SGIP1: variants seen among roughly 807,000 people sequenced by gnomAD.
SGIP1 encodes SH3-containing GRB2-like protein 3-interacting protein 1.
Under a neutral mutation model 107.5 loss-of-function variants are expected in SGIP1, and 38 were observed. The ratio of observed to expected loss-of-function variants is 0.35; its 90% CI spans 0.27 to 0.46. The LOEUF is 0.46. Ranked by LOEUF, SGIP1 falls within the 20% of genes least tolerant of loss-of-function variation. The pLI, the probability that SGIP1 is intolerant of heterozygous loss-of-function variation, is 1.00. For synonymous variants in SGIP1, 365 were observed against 366.1 expected (o/e 1.00, Z 0.03); for missense variants, 929 against 1,019.5 (o/e 0.91, Z 1.21).
chr1:66,586,065 T>A (rs140621898), intron 1 of SGIP1, among the ~76,000 whole-genome samples: 34 of 152,340 alleles, frequency 2.2e-4, no homozygotes, highest in Middle Eastern at 3.4e-3. Flanking sequence ...CATTAAGAAT[T>A]GCTAATGTCT....
In SGIP1 at chr1:66,719,299, TC is replaced by T; in HGVS notation, c.1638del (p.Arg547GlyfsTer6). The T allele has an allele frequency of 6.2e-7, 1 of 1,608,368 alleles. No homozygotes were observed. The highest frequency in any genetic ancestry group is 8.5e-7 in the Non-Finnish European group (1 of 1,177,338). On this transcript the variant is annotated frameshift_variant, in exon 19 of 25. Transcript: ENST00000371037. LOFTEE classifies it high-confidence loss of function. ...GKFYLTFEGS[S>X]RGPSPLTMGA... ...AAATTTTTCATTTCATGCAGGTTCT[TC>T]CAGGGGACCCAGCCCCCTAACCATG...
intron 22 of SGIP1, among the ~76,000 whole-genome samples, chr1:66,740,452 G>A (rs1425045230): frequency 1.3e-5 from 2 of 152,094 alleles, no homozygotes; most frequent in African/African-American, 4.8e-5. Context: ...ATCTCATGGT[G>A]TTCTAGCTAG....
chr1:66,740,605 A>G, intron 22 of SGIP1, 53 bp from the exon 23 acceptor site: 1 of 1,155,436 alleles, frequency 8.7e-7, no homozygotes, highest in Non-Finnish European at 1.3e-6. Context: ...CATGGCATCC[A>G]GTAAACAAAA....
chr1:66,597,999 G>T (rs2065043068), intron 1 of SGIP1, among the ~76,000 whole-genome samples: 1 of 152,036 alleles, frequency 6.6e-6, no homozygotes, highest in South Asian at 2.1e-4. Flanking sequence ...CAAGCAGAAA[G>T]GGAACACAAC....
intron 1 of SGIP1, among the ~76,000 whole-genome samples, chr1:66,592,826 G>T (rs983072346): frequency 6.7e-6 from 1 of 148,908 alleles, no homozygotes; most frequent in South Asian, 2.1e-4. Context: ...TCATATAGTT[G>T]GAATCATACA....
chr1:66,581,365 C>G (rs2061801972), intron 1 of SGIP1, among the ~76,000 whole-genome samples: 1 of 151,914 alleles, frequency 6.6e-6, no homozygotes. Context: ...ATCCCTAGCT[C>G]ATGGTGTTAA....
intron 1 of SGIP1, among the ~76,000 whole-genome samples, chr1:66,612,283 G>T (rs2068190924): frequency 6.6e-6 from 1 of 152,160 alleles, no homozygotes; most frequent in Admixed American, 6.5e-5. Flanking sequence ...ATTCATGAGG[G>T]ATCCTCACCC....
chr1:66,686,810 A>T (rs1386346514), intron 15 of SGIP1, among the ~76,000 whole-genome samples: 1 of 152,276 alleles, frequency 6.6e-6, no homozygotes. Flanking sequence ...CTTTTCAATG[A>T]ACAACGAACT....
chr1:66,631,243 C>T (rs965512531), intron 2 of SGIP1, among the ~76,000 whole-genome samples: 11 of 152,150 alleles, frequency 7.2e-5, no homozygotes, highest in Non-Finnish European at 1.5e-4. Context: ...TCACCCATTT[C>T]ATTCTCTCTG....
chr1:66,739,747 G>A lies in SGIP1; in HGVS notation c.2234+210G>A, dbSNP rs917837978. Among the ~76,000 whole-genome samples the A allele has an allele frequency of 7.2e-5, 11 of 152,200 alleles. 1 individual carries two copies. The highest frequency in any genetic ancestry group is 2.7e-4 in the African/African-American group (11 of 41,450). Reference sequence around the variant, plus strand: ...TTACACAATGGTGGAAGTGCTAAAGGAACAGGCTGGATCTCCAAAAATGCC... The same window carrying A: ...TTACACAATGGTGGAAGTGCTAAAGAAACAGGCTGGATCTCCAAAAATGCC... On this transcript the variant is annotated intron_variant, in intron 22 of 24. Coordinates refer to ENST00000371037, the MANE Select transcript of SGIP1 (RefSeq NM_032291.4).
chr1:66,588,876 T>C (rs752079624), intron 1 of SGIP1, among the ~76,000 whole-genome samples: 19 of 151,750 alleles, frequency 1.3e-4, no homozygotes, highest in Admixed American at 2.6e-4. Flanking sequence ...ATTTGAATTT[T>C]AAGGTTTTAA....
chr1:66,654,481 T>C (rs922203047), intron 7 of SGIP1, among the ~76,000 whole-genome samples: 7 of 152,092 alleles, frequency 4.6e-5, no homozygotes, highest in African/African-American at 2.4e-5. Flanking sequence ...ATTATACTTA[T>C]TTTTTTACTA....
rs900978698 is a variant in SGIP1 at position 66,743,999 on chromosome 1, G to C, written c.*904G>C. ...TTTCAAGACTTTCCGTAGTTGAACT[G>C]GTTAAGAATTTTTGCTTAGTTACTC... On this transcript the variant is annotated 3_prime_UTR_variant, in exon 25 of 25. Coordinates refer to ENST00000371037, the MANE Select transcript of SGIP1 (RefSeq NM_032291.4). The C allele has an allele frequency of 6.6e-6, 1 of 152,096 alleles. No individual in the cohort carries two copies. The highest frequency in any genetic ancestry group is 1.5e-5 in the Non-Finnish European group (1 of 67,996). The allele number at this position is 152,096 out of a possible 1,614,324, so 9.4% of individuals were successfully genotyped here. A position where few individuals can be genotyped will look rare whatever the true frequency, so the allele number is the denominator to read the frequency against.
intron 11 of SGIP1, among the ~76,000 whole-genome samples, chr1:66,673,020 T>C (rs1050419438): frequency 1.3e-5 from 2 of 152,206 alleles, no homozygotes; most frequent in African/African-American, 4.8e-5. Context: ...CTCCTTCAAC[T>C]TATTTCTATT....
intron 8 of SGIP1, among the ~76,000 whole-genome samples, chr1:66,663,190 T>C (rs1290249525): frequency 3.9e-5 from 6 of 152,056 alleles, no homozygotes; most frequent in Non-Finnish European, 7.4e-5. Flanking sequence ...TCTCACAATG[T>C]GTATGTGCCT....
At chr1:66,597,341 C>T (rs1455326431) in intron 1 of SGIP1, among the ~76,000 whole-genome samples, 2 of 152,206 alleles carry the variant, frequency 1.3e-5, no homozygotes, top group African/African-American at 2.4e-5. Context: ...AACTGTTTAT[C>T]CAACATTCTA....
chr1:66,570,201 A>G (rs1001681325), intron 1 of SGIP1, among the ~76,000 whole-genome samples: 1 of 151,742 alleles, frequency 6.6e-6, no homozygotes, highest in African/African-American at 2.4e-5. Context: ...ATTATTTTTA[A>G]TAGTCTTAAT....
At chr1:66,609,304 T>C (rs2067479501) in intron 1 of SGIP1, among the ~76,000 whole-genome samples, 1 of 152,196 alleles carries the variant, frequency 6.6e-6, no homozygotes, top group South Asian at 2.1e-4. Flanking sequence ...GAAATCCAAC[T>C]TCCGGCAGGT....
intron 19 of SGIP1, among the ~76,000 whole-genome samples, chr1:66,719,736 A>G (rs967678288): frequency 6.6e-6 from 1 of 152,150 alleles, no homozygotes; most frequent in Non-Finnish European, 1.5e-5. Context: ...GAGGAAATTT[A>G]TTGTCTCACA....
Sources: allele counts gnomAD v4.1 joint callset (sites outside exome capture counted in the v4.1 genomes callset), GRCh38; gene constraint gnomAD v4.1.1; transcripts MANE v1.5; gene names NCBI Gene and HGNC (gene_info 2026-07-23, HGNC 2026-07-21).